Variants in GPC5 observed in about 807,000 individuals in gnomAD.
The protein encoded by GPC5 is glypican 5.
Under a neutral mutation model 53.9 loss-of-function variants are expected in GPC5, and 47 were observed. The observed-to-expected ratio is 0.87, with a 90% CI of 0.69 to 1.11. The LOEUF (loss-of-function observed/expected upper bound fraction) is 1.11. Ranked by LOEUF, GPC5 falls within the 50% of genes most tolerant of loss-of-function variation. The pLI is 0.00. For missense variants in GPC5, 748 were observed against 713.1 expected (o/e 1.05, Z -0.56); for synonymous variants, 286 against 263.3 (o/e 1.09, Z -0.84).
chr13:92,034,225 G>A (rs1019721950), intron 6 of GPC5, among the ~76,000 whole-genome samples: 1 of 152,192 alleles, frequency 6.6e-6, no homozygotes, highest in Admixed American at 6.5e-5. Flanking sequence ...GCCAGGTGCA[G>A]CGGCTCACGT....
At chr13:91,955,423 T>C (rs763807810) in intron 6 of GPC5, among the ~76,000 whole-genome samples, 10 of 152,006 alleles carry the variant, frequency 6.6e-5, no homozygotes, top group Non-Finnish European at 1.2e-4. Flanking sequence ...AAATAGCAAG[T>C]AGATAATCAC....
chr13:92,595,506 C>T (rs919767833), intron 7 of GPC5, among the ~76,000 whole-genome samples: 10 of 152,004 alleles, frequency 6.6e-5, no homozygotes, highest in African/African-American at 2.4e-4. Context: ...CGGTGGCTCA[C>T]GCCTGTAATC....
intron 7 of GPC5, among the ~76,000 whole-genome samples, chr13:92,709,013 G>A (rs537561912): frequency 1.3e-5 from 2 of 150,028 alleles, no homozygotes; most frequent in East Asian, 3.9e-4. Context: ...CTCTCAAGTA[G>A]CTGGGCCTGC....
At chr13:92,539,296 A>C (rs1206025987) in intron 7 of GPC5, among the ~76,000 whole-genome samples, 1 of 151,898 alleles carries the variant, frequency 6.6e-6, no homozygotes, top group Non-Finnish European at 1.5e-5. Context: ...AACAGTGTAA[A>C]AGTGTTCCTA....
chr13:91,590,669 A>G (rs77064242), intron 2 of GPC5, among the ~76,000 whole-genome samples: 16,899 of 152,174 alleles, frequency 0.11, 1,822 homozygotes, highest in African/African-American at 0.27. Flanking sequence ...ATTTCCACAC[A>G]TTGAGTCACC....
chr13:92,750,829 G>C (rs1447831949), intron 7 of GPC5, among the ~76,000 whole-genome samples: 1 of 152,108 alleles, frequency 6.6e-6, no homozygotes, highest in Non-Finnish European at 1.5e-5. Context: ...TGAGCTATTA[G>C]CTAACCCATC....
chr13:92,438,437 G>A (rs1227437565), intron 7 of GPC5, among the ~76,000 whole-genome samples: 1 of 150,674 alleles, frequency 6.6e-6, no homozygotes. Flanking sequence ...AAGATGGTCA[G>A]CTTAAGCATG....
chr13:92,112,347 G>A (rs1052022316), intron 6 of GPC5, among the ~76,000 whole-genome samples: 3 of 152,026 alleles, frequency 2.0e-5, no homozygotes, highest in Non-Finnish European at 4.4e-5. Context: ...TTAAAGAGAT[G>A]GATGAGGAAT....
chr13:91,980,322 A>C (rs1386531753), intron 6 of GPC5, among the ~76,000 whole-genome samples: 5 of 152,206 alleles, frequency 3.3e-5, no homozygotes, highest in South Asian at 2.1e-4. Context: ...TTTTTTTAAG[A>C]TCTATTCCCC....
At chr13:92,187,453 C>T (rs559258585) in intron 7 of GPC5, among the ~76,000 whole-genome samples, 1 of 152,262 alleles carries the variant, frequency 6.6e-6, no homozygotes, top group Admixed American at 6.5e-5. Flanking sequence ...ACACGTCATG[C>T]CATATGATAG....
intron 7 of GPC5, among the ~76,000 whole-genome samples, chr13:92,535,720 C>T (rs1881703984): frequency 6.6e-6 from 1 of 151,002 alleles, no homozygotes; most frequent in Non-Finnish European, 1.5e-5. Flanking sequence ...TCATATGATC[C>T]TCTTTGCCAA....
rs144103634 is a variant in GPC5 at position 92,446,239 on chromosome 13, T to C, written c.1561+301250T>C. Among the ~76,000 whole-genome samples, 4 of 151,946 alleles carry C rather than the reference T, an allele frequency of 2.6e-5. 1 individual carries two copies. Among genetic ancestry groups the C allele is most frequent in the Admixed American group, 1.3e-4 (2 of 15,194 alleles). On this transcript the variant is annotated intron_variant, in intron 7 of 7. Transcript: ENST00000377067. ...TTATCCCCATTTCACCTTCTCTGCCTTAACCCCCTGGTACCCTTCCCAGCC... is the reference window on the plus strand; with the variant it reads ...TTATCCCCATTTCACCTTCTCTGCCCTAACCCCCTGGTACCCTTCCCAGCC...
intron 7 of GPC5, among the ~76,000 whole-genome samples, chr13:92,634,808 A>G (rs1398343035): frequency 6.6e-6 from 1 of 151,932 alleles, no homozygotes; most frequent in South Asian, 2.1e-4. Context: ...TTATTATTCT[A>G]TAGCTTTAAT....
rs57427472 is a variant in GPC5, at chr13:92,324,640, G to A, written c.1561+179651G>A. ...GAATAGCTGTACTACATATCATTAT[G>A]TAGTATGGCATATCATTGGTACAGC... On this transcript the variant is annotated intron_variant, in intron 7 of 7. Transcript: ENST00000377067. 4.6e-3 allele frequency among the ~76,000 whole-genome samples: 561 copies of A among 121,118 alleles called. 4 individuals carry two copies. Among genetic ancestry groups the A allele is most frequent in the African/African-American group, 0.023 (531 of 23,342 alleles). 79.5% of individuals were successfully genotyped at this position (121,118 alleles called of 152,430 possible).
intron 2 of GPC5, among the ~76,000 whole-genome samples, chr13:91,548,876 C>T (rs1262730874): frequency 6.6e-6 from 1 of 152,138 alleles, no homozygotes; most frequent in Non-Finnish European, 1.5e-5. Flanking sequence ...ACAAATGGTA[C>T]TAGAACAACT....
In GPC5 at chr13:91,584,762, T is replaced by C. The variant is rs2032498078; in HGVS notation, c.326-108425T>C. ...GCCCAGCTAATTTTTATATTTTTAG[T>C]AGAGACAGGGTTTCACAATGTTGGC... On this transcript the variant is annotated intron_variant, in intron 2 of 7. Coordinates refer to ENST00000377067, the MANE Select transcript of GPC5 (RefSeq NM_004466.6). Among the ~76,000 whole-genome samples the C allele has an allele frequency of 2.6e-5, 4 of 152,200 alleles. No homozygotes were observed. The South Asian group carries it at 8.3e-4, about 32-fold the overall frequency.
At chr13:92,234,576 T>A (rs2042556053) in intron 7 of GPC5, among the ~76,000 whole-genome samples, 2 of 150,752 alleles carry the variant, frequency 1.3e-5, no homozygotes, top group Non-Finnish European at 1.5e-5. Context: ...GGGTTTGGGC[T>A]GGGGGGCAAT....
At chr13:92,766,177 C>A (rs895657727) in intron 7 of GPC5, among the ~76,000 whole-genome samples, 17 of 152,092 alleles carry the variant, frequency 1.1e-4, no homozygotes, top group Non-Finnish European at 1.8e-4. Context: ...ATGAGTCTAC[C>A]TGCACCAATG....
At chr13:91,827,845 C>T (rs1340813757) in intron 5 of GPC5, among the ~76,000 whole-genome samples, 5 of 151,920 alleles carry the variant, frequency 3.3e-5, no homozygotes, top group African/African-American at 9.7e-5. Context: ...TGGATATTTA[C>T]CCAAGAGAAA....
Sources: allele counts gnomAD v4.1 joint callset (sites outside exome capture counted in the v4.1 genomes callset), GRCh38; gene constraint gnomAD v4.1.1; transcripts MANE v1.5; gene names NCBI Gene and HGNC (gene_info 2026-07-23, HGNC 2026-07-21).